Variants in UST observed in about 807,000 individuals in gnomAD.
UST encodes the protein uronyl 2-sulfotransferase.
UST carries 21 observed loss-of-function variants against 45.6 expected under a neutral mutation model. The observed-to-expected ratio is 0.46, with a 90% CI of 0.33 to 0.66. The LOEUF (loss-of-function observed/expected upper bound fraction) is 0.66. Ranked by LOEUF, UST falls within the 30% of genes least tolerant of loss-of-function variation. The pLI is 0.02. For missense variants in UST, 463 were observed against 512.4 expected (o/e 0.90, Z 0.93); for synonymous variants, 215 against 200.6 (o/e 1.07, Z -0.61).
chr6:149,029,461 T>TA (rs1776105002), intron 7 of UST, among the ~76,000 whole-genome samples: 1 of 145,096 alleles, frequency 6.9e-6, no homozygotes, highest in Admixed American at 7.0e-5. Context: ...ATATACATTA[T>TA]ATATTATATA....
Position 148,964,463 on chromosome 6 carries a change from G to T in UST, c.581G>T (p.Arg194Leu), listed in dbSNP as rs764103894. ...YINIIRDPVN[R>L]FLSNYFFRRF... ...AACATCATTAGAGACCCCGTCAACC[G>T]GTTCTTATCCAACTATTTTTTCCGT... The change falls in exon 5 of 8, where the codon CGG (arginine) becomes CTG (leucine). Residue 194 changes from arginine to leucine, a missense_variant. Arg to Leu is a moderately radical substitution (Grantham distance 102). This residue lies in a region of UST where 287 missense variants were observed against 374.2 expected (regional missense o/e 0.77). Coordinates refer to ENST00000367463, the MANE Select transcript of UST (RefSeq NM_005715.3). The T allele has an allele frequency of 6.2e-7, 1 of 1,614,186 alleles. No homozygotes were observed. Among genetic ancestry groups the T allele is most frequent in the Non-Finnish European group, 8.5e-7 (1 of 1,180,034 alleles).
intron 1 of UST, among the ~76,000 whole-genome samples, chr6:148,774,545 T>C (rs1422056557): frequency 2.0e-5 from 3 of 152,190 alleles, no homozygotes; most frequent in Admixed American, 6.5e-5. Context: ...TTACTTTACC[T>C]ACATAGTTTT....
rs144395139 is a variant in UST, at chr6:148,887,949, A to C, written c.291+920A>C. On this transcript the variant is annotated intron_variant, in intron 2 of 7. Coordinates refer to ENST00000367463, the MANE Select transcript of UST (RefSeq NM_005715.3). ...GTGATGCCTACAAAATGCAGTTGTA[A>C]ATACACGGTGAGAAGATAATGAACC... 3.0e-3 allele frequency among the ~76,000 whole-genome samples: 459 copies of C among 152,330 alleles called. 4 individuals are homozygous for C. The highest frequency in any genetic ancestry group is 4.7e-3 in the Non-Finnish European group (322 of 68,040).
chr6:148,781,440 G>T (rs1182384177), intron 1 of UST, among the ~76,000 whole-genome samples: 1 of 152,178 alleles, frequency 6.6e-6, no homozygotes, highest in African/African-American at 2.4e-5. Flanking sequence ...GGAAGCTGCA[G>T]AAGAAAAGTT....
intron 1 of UST, among the ~76,000 whole-genome samples, chr6:148,843,766 G>A (rs1777930481): frequency 6.6e-6 from 1 of 152,164 alleles, no homozygotes; most frequent in Admixed American, 6.5e-5. Context: ...TTTGTAATTT[G>A]CCTAGGTTTT....
At chr6:148,886,882 A>T (rs1453188511) in intron 1 of UST, 104 bp from the exon 2 acceptor site, 1 of 961,346 alleles carries the variant, frequency 1.0e-6, no homozygotes, top group East Asian at 2.4e-5. Context: ...CTGTTGTCTG[A>T]GCAGAAATAC....
chr6:148,842,819 C>T (rs1455566713), intron 1 of UST, among the ~76,000 whole-genome samples: 4 of 152,150 alleles, frequency 2.6e-5, no homozygotes, highest in Non-Finnish European at 2.9e-5. Flanking sequence ...TTTCTTATAA[C>T]AGGCCTAGTC....
chr6:148,922,916 C>T (rs1779741131), intron 2 of UST, among the ~76,000 whole-genome samples: 1 of 152,188 alleles, frequency 6.6e-6, no homozygotes, highest in African/African-American at 2.4e-5. Context: ...CCTCAACGTC[C>T]CAAGTAGCTG....
At chr6:148,895,317 A>G (rs1389679491) in intron 2 of UST, among the ~76,000 whole-genome samples, 1 of 152,190 alleles carries the variant, frequency 6.6e-6, no homozygotes, top group African/African-American at 2.4e-5. Context: ...ATATTATATT[A>G]CATCATATTT....
At chr6:148,982,153 C>T (rs758244980) in intron 5 of UST, among the ~76,000 whole-genome samples, 7 of 150,844 alleles carry the variant, frequency 4.6e-5, no homozygotes, top group Non-Finnish European at 1.0e-4. Flanking sequence ...GGCTAGAATG[C>T]CATGGTGCAA....
At chr6:148,911,972 A>G (rs1356966897) in intron 2 of UST, among the ~76,000 whole-genome samples, 3 of 152,166 alleles carry the variant, frequency 2.0e-5, no homozygotes, top group African/African-American at 7.2e-5. Context: ...TAAGGGGGGC[A>G]GATCACTTGA....
chr6:148,930,742 G>C (rs1779906122), intron 2 of UST, among the ~76,000 whole-genome samples: 1 of 152,160 alleles, frequency 6.6e-6, no homozygotes, highest in Non-Finnish European at 1.5e-5. Flanking sequence ...GATAGGAAGA[G>C]GTGTGACTGG....
intron 5 of UST, chr6:148,993,110 A>T: frequency 1.0e-6 from 1 of 976,878 alleles, no homozygotes; most frequent in Non-Finnish European, 1.2e-6. Context: ...GTCAGTTAAC[A>T]TCTTAAATGC....
chr6:148,969,919 T>G (rs1026736382), intron 5 of UST, among the ~76,000 whole-genome samples: 25 of 152,198 alleles, frequency 1.6e-4, no homozygotes, highest in African/African-American at 6.0e-4. Flanking sequence ...CTTGGAAACC[T>G]AAGCTCCTGT....
chr6:148,900,535 C>A (rs909584057), intron 2 of UST, among the ~76,000 whole-genome samples: 3 of 152,172 alleles, frequency 2.0e-5, no homozygotes, highest in African/African-American at 7.2e-5. Flanking sequence ...TGCCTTTCAC[C>A]TTCTGCCGTG....
At chr6:148,764,036 CAT>C (rs1776272432) in intron 1 of UST, among the ~76,000 whole-genome samples, 1 of 152,128 alleles carries the variant, frequency 6.6e-6, no homozygotes, top group Admixed American at 6.5e-5. Flanking sequence ...GTGAAAATGA[CAT>C]CGGTAATTTG....
intron 1 of UST, among the ~76,000 whole-genome samples, chr6:148,808,972 A>G (rs1305429113): frequency 1.3e-5 from 2 of 152,214 alleles, no homozygotes; most frequent in African/African-American, 2.4e-5. Flanking sequence ...TGAGAAGTAA[A>G]TATCTGTTGT....
At chr6:148,804,176 T>G (rs944488041) in intron 1 of UST, among the ~76,000 whole-genome samples, 1 of 152,206 alleles carries the variant, frequency 6.6e-6, no homozygotes, top group African/African-American at 2.4e-5. Context: ...TGTATGAATC[T>G]CTGAGTCATT....
chr6:149,052,037 G>A (rs1776495137), intron 7 of UST, among the ~76,000 whole-genome samples: 1 of 152,182 alleles, frequency 6.6e-6, no homozygotes, highest in Non-Finnish European at 1.5e-5. Flanking sequence ...TGCACCTAAT[G>A]AATGTATAGG....
Sources: allele counts gnomAD v4.1 joint callset (sites outside exome capture counted in the v4.1 genomes callset), GRCh38; gene constraint gnomAD v4.1.1; regional missense constraint gnomAD v4.1.1; transcripts MANE v1.5; gene names NCBI Gene and HGNC (gene_info 2026-07-23, HGNC 2026-07-21).